MALRD1: variants seen among roughly 807,000 people sequenced by gnomAD.
MALRD1 encodes MAM and LDL receptor class A domain containing 1.
MALRD1 carries 247 observed loss-of-function variants against 242.1 expected under a neutral mutation model. The ratio of observed to expected loss-of-function variants is 1.02; its 90% confidence interval spans 0.92 to 1.13. MALRD1 has a LOEUF of 1.13. Ranked by LOEUF, MALRD1 falls within the 50% of genes most tolerant of loss-of-function variation. MALRD1 has a pLI of 0.00. For synonymous variants in MALRD1, 995 were observed against 866.6 expected, an observed-to-expected ratio of 1.15 and a Z score of -2.60; for missense variants, 2,989 against 2,533.1, an observed-to-expected ratio of 1.18 and a Z score of -3.86.
intron 8 of MALRD1, among the ~76,000 whole-genome samples, chr10:19,132,529 A>G (rs1833152734): frequency 6.6e-6 from 1 of 152,208 alleles, no homozygotes; most frequent in Non-Finnish European, 1.5e-5. Flanking sequence ...CTAAGTTGAA[A>G]GTAGATTCAT....
chr10:19,731,122 A>G lies in MALRD1; in HGVS notation c.6390+341A>G, dbSNP rs138224021. On this transcript the variant is annotated intron_variant, in intron 39 of 39. Transcript: ENST00000454679. ...AGTCAGCTGCTTACAGTAACTATTC[A>G]TTGAATGTCTTTCATATTTTATTTT... 2.4e-3 allele frequency among the ~76,000 whole-genome samples: 364 copies of G among 152,308 alleles called. 10 individuals carry two copies. In the East Asian group the frequency reaches 0.052, roughly 22 times the overall value.
At chr10:19,705,647 C>A (rs1216016729) in intron 38 of MALRD1, among the ~76,000 whole-genome samples, 2 of 151,658 alleles carry the variant, frequency 1.3e-5, no homozygotes, top group African/African-American at 4.8e-5. Context: ...CATGATTCCT[C>A]CTCCTCCTCC....
intron 28 of MALRD1, among the ~76,000 whole-genome samples, chr10:19,399,532 G>A (rs372194804): frequency 8.5e-5 from 13 of 152,188 alleles, no homozygotes; most frequent in African/African-American, 3.1e-4. Context: ...TTTCTGACTC[G>A]GATGCTGCTA....
At chr10:19,139,258 G>A (rs138834486) in intron 10 of MALRD1, among the ~76,000 whole-genome samples, 43 of 152,262 alleles carry the variant, frequency 2.8e-4, no homozygotes, top group African/African-American at 9.1e-4. Flanking sequence ...ATATAGACAC[G>A]TGCATATGTA....
intron 28 of MALRD1, among the ~76,000 whole-genome samples, chr10:19,447,426 G>A (rs957415683): frequency 2.0e-5 from 3 of 152,042 alleles, no homozygotes; most frequent in Admixed American, 6.6e-5. Flanking sequence ...TCCATGATTC[G>A]TTTGCAAAAT....
At chr10:19,110,729 A>G (rs1836648352) in intron 5 of MALRD1, among the ~76,000 whole-genome samples, 1 of 152,128 alleles carries the variant, frequency 6.6e-6, no homozygotes, top group Admixed American at 6.6e-5. Context: ...TTAATGAGAC[A>G]TCTGGTTCTT....
At chr10:19,726,764 A>G (rs1384661713) in intron 38 of MALRD1, among the ~76,000 whole-genome samples, 1 of 152,218 alleles carries the variant, frequency 6.6e-6, no homozygotes, top group Non-Finnish European at 1.5e-5. Context: ...ATTATTCAGC[A>G]ATAAAAATGA....
At chr10:19,060,200 T>C (rs1404615263) in intron 1 of MALRD1, among the ~76,000 whole-genome samples, 2 of 152,142 alleles carry the variant, frequency 1.3e-5, no homozygotes, top group East Asian at 3.9e-4. Flanking sequence ...TATCCACCGA[T>C]GTTTCTGGTG....
Position 19,203,762 on chromosome 10 carries a change from T to C in MALRD1, c.1986T>C (p.Asp662=), listed in dbSNP as rs1564464138. The C allele has an allele frequency of 1.3e-6, 2 of 1,547,904 alleles. No individual in the cohort carries two copies. The highest frequency in any genetic ancestry group is 1.2e-5 in the South Asian group (1 of 83,960). Reference sequence around the variant, plus strand: ...GTGACTTTGAAGCAAACAGCTGTGATTGGTTTGAAGCAATTAGTGGTGACC... The same window carrying C: ...GTGACTTTGAAGCAAACAGCTGTGACTGGTTTGAAGCAATTAGTGGTGACC... ...SKCDFEANSC[D]WFEAISGDHF... is the part of the protein sequence containing the mutation. The change falls in exon 15 of 40, where the codon GAT becomes GAC. Residue 662 remains aspartate, a synonymous_variant. Coordinates refer to ENST00000454679, the MANE Select transcript of MALRD1 (RefSeq NM_001142308.3).
intron 14 of MALRD1, among the ~76,000 whole-genome samples, chr10:19,197,573 G>T (rs1228342900): frequency 2.6e-5 from 4 of 152,082 alleles, no homozygotes; most frequent in African/African-American, 9.7e-5. Context: ...TCAAGGCTTT[G>T]TCCCTGTGAT....
chr10:19,203,308 A>G (rs866287110), intron 14 of MALRD1, among the ~76,000 whole-genome samples: 17 of 152,136 alleles, frequency 1.1e-4, no homozygotes, highest in African/African-American at 4.1e-4. Flanking sequence ...GATTCTTCAC[A>G]TATTAAATTG....
intron 38 of MALRD1, among the ~76,000 whole-genome samples, chr10:19,727,174 T>G (rs1317448922): frequency 6.6e-6 from 1 of 152,204 alleles, no homozygotes; most frequent in South Asian, 2.1e-4. Flanking sequence ...ACTTTAAGTT[T>G]GTGAATTGTA....
intron 1 of MALRD1, 25 bp from the exon 2 acceptor site, chr10:19,066,694 A>G: frequency 8.1e-7 from 1 of 1,233,314 alleles, no homozygotes; most frequent in African/African-American, 1.5e-5. Context: ...AGTTGTGAAA[A>G]CCAACTTTTC....
intron 36 of MALRD1, among the ~76,000 whole-genome samples, chr10:19,626,384 C>T (rs2131636653): frequency 6.7e-6 from 1 of 148,394 alleles, no homozygotes; most frequent in Non-Finnish European, 1.5e-5. Context: ...AGGTACAAGC[C>T]AAAATAAGTA....
chr10:19,255,672 T>C (rs755542907), intron 18 of MALRD1, among the ~76,000 whole-genome samples: 9 of 152,098 alleles, frequency 5.9e-5, no homozygotes, highest in African/African-American at 9.7e-5. Context: ...AATGCTAACA[T>C]TTAGAGGTTA....
chr10:19,279,060 C>T (rs189979406), intron 19 of MALRD1, among the ~76,000 whole-genome samples: 6 of 152,250 alleles, frequency 3.9e-5, no homozygotes, highest in African/African-American at 1.2e-4. Context: ...CCAGAAGCAG[C>T]GGCCTAGGCT....
intron 36 of MALRD1, among the ~76,000 whole-genome samples, chr10:19,681,870 T>G (rs1842386924): frequency 6.6e-6 from 1 of 150,880 alleles, no homozygotes; most frequent in African/African-American, 2.4e-5. Flanking sequence ...TTTTTTTTTT[T>G]TTTTTTGAGA....
intron 2 of MALRD1, among the ~76,000 whole-genome samples, chr10:19,076,322 CTTAT>C (rs1483239737): frequency 6.6e-6 from 1 of 151,816 alleles, no homozygotes; most frequent in Non-Finnish European, 1.5e-5. Context: ...TATGTACTTA[CTTAT>C]TTATTTATTT....
intron 26 of MALRD1, among the ~76,000 whole-genome samples, chr10:19,377,815 T>G (rs1335037772): frequency 6.6e-6 from 1 of 152,094 alleles, no homozygotes; most frequent in African/African-American, 2.4e-5. Context: ...TATAAGCAAA[T>G]TAATAAACCT....
Sources: gnomAD v4.1 joint callset for allele counts (sites outside exome capture counted in the v4.1 genomes callset) on GRCh38, gnomAD v4.1.1 for gene constraint, MANE v1.5 for transcripts, NCBI Gene and HGNC (gene_info 2026-07-23, HGNC 2026-07-21) for gene names.